The following SCFD2 variants were observed in gnomAD, a reference collection of about 807,000 sequenced individuals.
SCFD2 encodes sec1 family domain containing 2, also known as sec1 family domain-containing protein 2.
A neutral mutation model predicts 58.9 loss-of-function variants in SCFD2; 54 were observed. The observed-to-expected ratio is 0.92, with a 90% confidence interval of 0.74 to 1.15. The LOEUF is 1.15. Among genes scored for constraint, SCFD2 ranks in the 50% most tolerant of loss-of-function variants. The pLI is 0.00. For missense variants in SCFD2, 805 were observed against 836.6 expected (o/e 0.96, Z 0.47); for synonymous variants, 321 against 335.9 (o/e 0.96, Z 0.49).
Position 53,130,490 on chromosome 4 carries a change from TC to T in SCFD2, c.1561+14842del, listed in dbSNP as rs758263252. On this transcript the variant is annotated intron_variant, in intron 5 of 8. Transcript: ENST00000401642. ...CATTGGTATCCCTTCCTTTGTGGAA[TC>T]ACTCCAACTGTCAATCTAAGTGGCA... Among the ~76,000 whole-genome samples, 3 of 152,302 alleles carry T rather than the reference TC, an allele frequency of 2.0e-5. No homozygotes were observed. In the East Asian group the frequency reaches 5.8e-4, roughly 29 times the overall value.
At chr4:53,297,808 A>G (rs1455464953) in intron 3 of SCFD2, among the ~76,000 whole-genome samples, 1 of 152,040 alleles carries the variant, frequency 6.6e-6, no homozygotes. Context: ...GACCTTTTCT[A>G]TGTTTAGAGT....
intron 5 of SCFD2, among the ~76,000 whole-genome samples, chr4:53,044,778 T>C (rs1722987338): frequency 6.6e-6 from 1 of 151,994 alleles, no homozygotes; most frequent in African/African-American, 2.4e-5. Flanking sequence ...AGACACATAA[T>C]CTGTCTCCAT....
intron 5 of SCFD2, among the ~76,000 whole-genome samples, chr4:53,068,634 T>C (rs1263807032): frequency 6.6e-6 from 1 of 152,104 alleles, no homozygotes; most frequent in African/African-American, 2.4e-5. Flanking sequence ...TATAATAGAA[T>C]ATCCTGGCCA....
At chr4:53,231,471 A>T (rs1729437380) in intron 4 of SCFD2, among the ~76,000 whole-genome samples, 2 of 152,338 alleles carry the variant, frequency 1.3e-5, no homozygotes, top group South Asian at 4.1e-4. Flanking sequence ...AAGCTCTCCT[A>T]CAAAAGCAAA....
chr4:53,100,002 A>G (rs1047371727), intron 5 of SCFD2, among the ~76,000 whole-genome samples: 2 of 152,196 alleles, frequency 1.3e-5, no homozygotes, highest in Admixed American at 6.6e-5. Flanking sequence ...ACTAATTTGG[A>G]AGTCTCATAA....
At chr4:53,257,009 G>C (rs1354604136) in intron 4 of SCFD2, among the ~76,000 whole-genome samples, 4 of 151,874 alleles carry the variant, frequency 2.6e-5, no homozygotes, top group Non-Finnish European at 4.4e-5. Context: ...GTGTGAGAAG[G>C]GACTAATACA....
intron 5 of SCFD2, among the ~76,000 whole-genome samples, chr4:52,924,690 A>G (rs1348183069): frequency 1.3e-5 from 2 of 152,198 alleles, no homozygotes; most frequent in African/African-American, 4.8e-5. Context: ...AGAAGGATTT[A>G]CATTTATTTT....
intron 5 of SCFD2, among the ~76,000 whole-genome samples, chr4:53,107,698 C>T (rs1239923915): frequency 6.6e-6 from 1 of 152,092 alleles, no homozygotes; most frequent in Non-Finnish European, 1.5e-5. Context: ...TATATGCACC[C>T]AATACAGAAG....
intron 4 of SCFD2, among the ~76,000 whole-genome samples, chr4:53,255,197 T>TATTTATTTATTTA (rs71662213): frequency 5.0e-5 from 7 of 140,620 alleles, no homozygotes; most frequent in Non-Finnish European, 9.2e-5. Context: ...TTTTTTTCTT[T>TATTTATTTATTTA]TTTATTTATT....
chr4:53,354,427 A>G (rs1242734639), intron 1 of SCFD2, among the ~76,000 whole-genome samples: 1 of 152,230 alleles, frequency 6.6e-6, no homozygotes, highest in Non-Finnish European at 1.5e-5. Context: ...CCAGCGCCGC[A>G]GTGCAGGCCT....
chr4:52,910,046 T>C (rs886646194), intron 6 of SCFD2, among the ~76,000 whole-genome samples: 4 of 152,188 alleles, frequency 2.6e-5, no homozygotes, highest in Non-Finnish European at 5.9e-5. Flanking sequence ...ATCGGCACTA[T>C]CATCAAATAA....
intron 4 of SCFD2, among the ~76,000 whole-genome samples, chr4:53,184,004 C>G (rs1478400330): frequency 6.6e-6 from 1 of 152,144 alleles, no homozygotes; most frequent in African/African-American, 2.4e-5. Flanking sequence ...CCTAATACAA[C>G]AAATGCCTTT....
chr4:53,121,121 T>C (rs886280439), intron 5 of SCFD2, among the ~76,000 whole-genome samples: 2 of 152,188 alleles, frequency 1.3e-5, no homozygotes, highest in Admixed American at 6.5e-5. Flanking sequence ...CAATGATAAG[T>C]GAACTATTTC....
At chr4:52,900,348 T>C (rs911873581) in intron 7 of SCFD2, among the ~76,000 whole-genome samples, 2 of 152,220 alleles carry the variant, frequency 1.3e-5, no homozygotes, top group African/African-American at 4.8e-5. Flanking sequence ...TCCTTTCTGT[T>C]TGTTAGTTTT....
chr4:53,251,102 C>A (rs1730356248), intron 4 of SCFD2, among the ~76,000 whole-genome samples: 1 of 152,218 alleles, frequency 6.6e-6, no homozygotes, highest in Admixed American at 6.5e-5. Flanking sequence ...ATACTACAAA[C>A]ACCTCTACGC....
chr4:53,230,439 G>T (rs1039311311), intron 4 of SCFD2, among the ~76,000 whole-genome samples: 4 of 152,132 alleles, frequency 2.6e-5, no homozygotes, highest in African/African-American at 9.7e-5. Context: ...ATACTATGCA[G>T]CCACAAAAAA....
chr4:52,997,092 T>A (rs1247367354), intron 5 of SCFD2, among the ~76,000 whole-genome samples: 1 of 152,220 alleles, frequency 6.6e-6, no homozygotes, highest in Non-Finnish European at 1.5e-5. Flanking sequence ...TTGACTAGGT[T>A]TGGCTCAGGT....
chr4:52,979,065 T>TTG (rs146837646), intron 5 of SCFD2, among the ~76,000 whole-genome samples: 185 of 146,992 alleles, frequency 1.3e-3, no homozygotes, highest in South Asian at 6.9e-3. Context: ...GGCCTTTTTT[T>TTG]GGGGGGGGGA....
chr4:53,274,401 T>C (rs1016053094), intron 3 of SCFD2, among the ~76,000 whole-genome samples: 3 of 152,200 alleles, frequency 2.0e-5, no homozygotes, highest in Non-Finnish European at 2.9e-5. Flanking sequence ...AGATTTCTAA[T>C]TGTGTGTGTA....
Sources: allele counts gnomAD v4.1 joint callset (sites outside exome capture counted in the v4.1 genomes callset), GRCh38; gene constraint gnomAD v4.1.1; transcripts MANE v1.5; gene names NCBI Gene and HGNC (gene_info 2026-07-23, HGNC 2026-07-21).